Variants in LRRC49 observed in about 807,000 individuals in gnomAD.
LRRC49 encodes the protein leucine-rich repeat-containing protein 49.
A neutral mutation model predicts 83.3 loss-of-function variants in LRRC49; 50 were observed. The observed-to-expected ratio is 0.60, with a 90% CI of 0.48 to 0.76. The LOEUF (loss-of-function observed/expected upper bound fraction) is 0.76, where lower values mean the gene tolerates loss of function less well. LRRC49 is among the 30% of genes least tolerant of loss of function. The pLI is 0.00. For synonymous variants in LRRC49, 286 were observed against 283.3 expected (o/e 1.01, Z -0.10); for missense variants, 704 against 809.1 (o/e 0.87, Z 1.58).
At chr15:71,025,178 TATTCAGGAAATCCAGAGA>T (rs2039123279) in intron 14 of LRRC49, among the ~76,000 whole-genome samples, 1 of 152,118 alleles carries the variant, frequency 6.6e-6, no homozygotes, top group Admixed American at 6.5e-5. Flanking sequence ...CTAACATTCA[TATTCAGGAAATCCAGAGA>T]ACCCCAGTAA....
chr15:70,897,178 G>A (rs1046213229), intron 3 of LRRC49, among the ~76,000 whole-genome samples: 3 of 152,126 alleles, frequency 2.0e-5, no homozygotes. Flanking sequence ...TAGGCAGTTA[G>A]TAAACAGATT....
At chr15:70,988,089 G>A (rs1265709212) in intron 11 of LRRC49, among the ~76,000 whole-genome samples, 1 of 151,268 alleles carries the variant, frequency 6.6e-6, no homozygotes, top group South Asian at 2.1e-4. Context: ...GTGTGGTGTG[G>A]TGCTGAAAAA....
chr15:70,937,985 T>C (rs1014480212), intron 8 of LRRC49, among the ~76,000 whole-genome samples: 6 of 152,222 alleles, frequency 3.9e-5, no homozygotes, highest in East Asian at 3.9e-4. Context: ...CTAAAAATCA[T>C]TAACAACTCT....
At chr15:70,969,464 G>A (rs1228891141) in intron 9 of LRRC49, among the ~76,000 whole-genome samples, 1 of 152,050 alleles carries the variant, frequency 6.6e-6, no homozygotes, top group Non-Finnish European at 1.5e-5. Context: ...TGGCTATATG[G>A]GCTCTTTTTT....
At chr15:70,980,624 A>G (rs1184072750) in intron 10 of LRRC49, among the ~76,000 whole-genome samples, 3 of 151,868 alleles carry the variant, frequency 2.0e-5, no homozygotes, top group African/African-American at 7.2e-5. Context: ...ATGATATAGA[A>G]GTGATAAAGA....
chr15:70,868,626 G>T lies in LRRC49; in HGVS notation c.-298-4282G>T, dbSNP rs79597627. On this transcript the variant is annotated intron_variant, in intron 1 of 16. Coordinates refer to the LRRC49 transcript ENST00000544974. ...TCAGTAGGTCTAGGGTAGAGCCTGA[G>T]AATTTGCTTTTCTACCACGTTCCCG... Among the ~76,000 whole-genome samples the T allele has an allele frequency of 4.2e-3, 639 of 152,346 alleles. 2 individuals are homozygous for T. The highest frequency in any genetic ancestry group is 6.8e-3 in the Non-Finnish European group (464 of 68,038).
chr15:71,013,735 A>G (rs2038735215), intron 14 of LRRC49, among the ~76,000 whole-genome samples: 1 of 152,208 alleles, frequency 6.6e-6, no homozygotes, highest in South Asian at 2.1e-4. Context: ...TTAGATATCT[A>G]CAAAATATTT....
rs561396406 is a variant in LRRC49, at chr15:70,916,445, C to T, written c.568-2605C>T. Among the ~76,000 whole-genome samples, 8 of 152,258 alleles carry T rather than the reference C, an allele frequency of 5.3e-5. No individual in the cohort carries two copies. The South Asian group carries it at 1.7e-3, about 32-fold the overall frequency. ...GAATAGCTGGGATTACAGGCCCATG[C>T]CACCACACCTGGCTAGTTTTTGTAT... On this transcript the variant is annotated intron_variant, in intron 6 of 15. Coordinates refer to ENST00000260382, the MANE Select transcript of LRRC49 (RefSeq NM_017691.5).
At chr15:70,888,419 T>C (rs1403630541), upstream of LRRC49, among the ~76,000 whole-genome samples, 2 of 152,138 alleles carry the variant, frequency 1.3e-5, no homozygotes, top group Non-Finnish European at 2.9e-5. Context: ...CAAGAAGAAA[T>C]GCTAGTAGTT....
chr15:70,961,858 CAATT>C (rs2036611737), intron 8 of LRRC49, among the ~76,000 whole-genome samples: 1 of 152,242 alleles, frequency 6.6e-6, no homozygotes, highest in East Asian at 1.9e-4. Flanking sequence ...GAAATTTACA[CAATT>C]AAAAAGTAAG....
chr15:70,911,622 T>C, intron 6 of LRRC49, 24 bp downstream of exon 6: 2 of 1,440,876 alleles, frequency 1.4e-6, no homozygotes, highest in South Asian at 1.3e-5. Flanking sequence ...CTTTCATTTC[T>C]TTCTTTTTTG....
In LRRC49 at chr15:70,885,405, A is replaced by C. The variant is rs146019833; in HGVS notation, c.19-8179A>C. Among the ~76,000 whole-genome samples, 119 of 152,330 alleles carry C rather than the reference A, an allele frequency of 7.8e-4. 3 individuals are homozygous for C. In the East Asian group the frequency reaches 0.022, roughly 28 times the overall value. ...ACTATAAACCCTTTCTATTTATCAAAATAAAAACAACAGAAACCAAACCTA... is the reference window on the plus strand; with the variant it reads ...ACTATAAACCCTTTCTATTTATCAACATAAAAACAACAGAAACCAAACCTA... On this transcript the variant is annotated intron_variant, in intron 2 of 16. Transcript: ENST00000544974.
At chr15:71,002,601 A>G (rs2038299648) in intron 11 of LRRC49, among the ~76,000 whole-genome samples, 1 of 152,178 alleles carries the variant, frequency 6.6e-6, no homozygotes, top group Non-Finnish European at 1.5e-5. Flanking sequence ...ATTTTAGCCA[A>G]CACTACTATA....
At chr15:70,910,405 T>C (rs2034503512) in intron 5 of LRRC49, among the ~76,000 whole-genome samples, 2 of 152,086 alleles carry the variant, frequency 1.3e-5, no homozygotes, top group African/African-American at 4.8e-5. Flanking sequence ...ACACTATATA[T>C]AGATAACATG....
intron 7 of LRRC49, among the ~76,000 whole-genome samples, chr15:70,933,003 A>G (rs1180383329): frequency 1.3e-5 from 2 of 152,060 alleles, no homozygotes; most frequent in African/African-American, 2.4e-5. Context: ...TGCTGGGATT[A>G]CAGGCACAAG....
intron 11 of LRRC49, among the ~76,000 whole-genome samples, chr15:70,989,000 A>T (rs12910257): frequency 0.75 from 113,141 of 151,530 alleles, 44,367 homozygotes; most frequent in East Asian, 0.86. Flanking sequence ...TTCTGCTGAG[A>T]GATCTGCTGT....
At chr15:71,046,087 C>A (rs1223229193) in intron 15 of LRRC49, among the ~76,000 whole-genome samples, 1 of 152,070 alleles carries the variant, frequency 6.6e-6, no homozygotes, top group Non-Finnish European at 1.5e-5. Flanking sequence ...TTTTCTTTAT[C>A]CAATCTACCA....
intron 6 of LRRC49, among the ~76,000 whole-genome samples, chr15:70,912,302 A>T (rs2034582841): frequency 6.6e-6 from 1 of 152,146 alleles, no homozygotes; most frequent in South Asian, 2.1e-4. Context: ...TATGAATAGT[A>T]CTTCTAAGAA....
intron 14 of LRRC49, among the ~76,000 whole-genome samples, chr15:71,018,446 C>G (rs781546155): frequency 6.6e-6 from 1 of 151,950 alleles, no homozygotes. Context: ...ATACAAAATG[C>G]TAGACAAAAT....
Sources: gnomAD v4.1 joint callset for allele counts (sites outside exome capture counted in the v4.1 genomes callset) on GRCh38, gnomAD v4.1.1 for gene constraint, MANE v1.5 for transcripts, NCBI Gene and HGNC (gene_info 2026-07-23, HGNC 2026-07-21) for gene names.